Variants in TUBB3 observed in about 807,000 individuals in gnomAD.
TUBB3 encodes tubulin beta-3 chain.
Under a neutral mutation model 37.8 loss-of-function variants are expected in TUBB3, and 17 were observed. That is an observed-to-expected ratio of 0.45 (90% confidence interval 0.31 to 0.67). The LOEUF (loss-of-function observed/expected upper bound fraction) is 0.67. Among genes scored for constraint, TUBB3 ranks in the 30% least tolerant of loss-of-function variants. The pLI is 0.07. For synonymous variants in TUBB3, 332 were observed against 278.9 expected (o/e 1.19, Z -1.90); for missense variants, 262 against 657.9 (o/e 0.40, Z 6.58).
chr16:89,930,770 C>A (rs565319170), intron 1 of TUBB3, among the ~76,000 whole-genome samples: 14 of 151,952 alleles, frequency 9.2e-5, no homozygotes, highest in African/African-American at 3.4e-4. Flanking sequence ...ATGCTTGCTA[C>A]CACCCAGTCC....
chr16:89,931,167 C>G (rs1400318402), intron 1 of TUBB3, among the ~76,000 whole-genome samples: 1 of 152,162 alleles, frequency 6.6e-6, no homozygotes, highest in Admixed American at 6.5e-5. Context: ...TGTCTCCATT[C>G]CAAAGCGCAT....
upstream of TUBB3, chr16:89,921,932 C>T (rs2029897571): frequency 6.6e-6 from 1 of 152,302 alleles, no homozygotes; most frequent in Admixed American, 6.5e-5. Flanking sequence ...GGCACCAGAC[C>T]CCTCTGAGGA....
intron 1 of TUBB3, among the ~76,000 whole-genome samples, chr16:89,925,196 C>A (rs901683109): frequency 6.6e-6 from 1 of 152,178 alleles, no homozygotes; most frequent in African/African-American, 2.4e-5. Flanking sequence ...TCCTTGGCTG[C>A]CTTGTGCTCT....
At position 89,935,925 on chromosome 16, in the gene TUBB3, C is replaced by A. The variant is rs2030443014; in HGVS notation, c.*121C>A. 2 of 1,294,938 alleles carry A rather than the reference C, an allele frequency of 1.5e-6. No individual in the cohort carries two copies. Among genetic ancestry groups the A allele is most frequent in the Non-Finnish European group, 2.1e-6 (2 of 945,562 alleles). 80.2% of individuals were successfully genotyped at this position (1,294,938 alleles called of 1,614,324 possible). The stretch of plus-strand genomic sequence containing the variant: ...TTCCCCTCGCCCTAGGGCTCCCTTG[C>A]CGCCCTCCTGCAGTATTTATGGCCT... On this transcript the variant is annotated 3_prime_UTR_variant, in exon 4 of 4. Coordinates refer to ENST00000315491, the MANE Select transcript of TUBB3 (RefSeq NM_006086.4).
intron 1 of TUBB3, among the ~76,000 whole-genome samples, chr16:89,928,279 C>T (rs553268144): frequency 2.6e-5 from 4 of 151,686 alleles, no homozygotes; most frequent in African/African-American, 9.7e-5. Flanking sequence ...TGGTCTTGAA[C>T]TCCTGGACTC....
intron 1 of TUBB3, among the ~76,000 whole-genome samples, chr16:89,931,287 T>C (rs2030269669): frequency 6.6e-6 from 1 of 152,242 alleles, no homozygotes; most frequent in Non-Finnish European, 1.5e-5. Context: ...CCTGCTTTTT[T>C]CTTGAGGAAT....
intron 1 of TUBB3, chr16:89,932,231 C>G (rs2030303589): frequency 2.5e-6 from 1 of 393,380 alleles, no homozygotes; most frequent in Non-Finnish European, 4.8e-6. Context: ...AACTAACCCT[C>G]AAGGTGTTTA....
intron 1 of TUBB3, among the ~76,000 whole-genome samples, chr16:89,924,596 C>T (rs556220545): frequency 2.0e-5 from 3 of 151,926 alleles, no homozygotes; most frequent in South Asian, 2.1e-4. Context: ...AGGCAGCCTC[C>T]GGAGGCTGTT....
intron 1 of TUBB3, among the ~76,000 whole-genome samples, chr16:89,930,110 T>C (rs1382588280): frequency 3.3e-5 from 5 of 151,090 alleles, no homozygotes; most frequent in African/African-American, 7.3e-5. Context: ...CCTTCCTTCC[T>C]TCCTTCCTTT....
intron 3 of TUBB3, chr16:89,934,222 G>C (rs1744579680): frequency 4.8e-6 from 2 of 417,678 alleles, no homozygotes; most frequent in African/African-American, 4.1e-5. Context: ...CTGTGTCCTG[G>C]GGCGGGGCCG....
intron 1 of TUBB3, among the ~76,000 whole-genome samples, chr16:89,923,996 C>G (rs1033160825): frequency 2.0e-5 from 3 of 152,190 alleles, no homozygotes; most frequent in African/African-American, 7.2e-5. Flanking sequence ...CACCCTGTCC[C>G]TTTGTTGGAG....
chr16:89,933,459 T>A lies in TUBB3; in HGVS notation c.167-9T>A, dbSNP rs771486382. On this transcript the variant is annotated splice_polypyrimidine_tract_variant and intron_variant, in intron 2 of 3. Coordinates refer to ENST00000315491, the MANE Select transcript of TUBB3 (RefSeq NM_006086.4). ...TGACCCGAATCACCGAGCCCCTCTC[T>A]CCCCTCAGCTCACAAGTACGTGCCT... is the stretch of plus-strand genomic sequence containing the variant. 7.5e-5 allele frequency: 120 copies of A among 1,610,546 alleles called. 1 individual carries two copies. Among genetic ancestry groups the A allele is most frequent in the Non-Finnish European group, 1.1e-5 (13 of 1,176,980 alleles).
intron 1 of TUBB3, among the ~76,000 whole-genome samples, chr16:89,929,460 G>T (rs1263846400): frequency 1.3e-5 from 2 of 152,172 alleles, no homozygotes; most frequent in Admixed American, 1.3e-4. Flanking sequence ...TAGCAGAGGT[G>T]GTCCATGTCC....
At chr16:89,926,372 A>T (rs1288643555) in intron 1 of TUBB3, among the ~76,000 whole-genome samples, 2 of 152,200 alleles carry the variant, frequency 1.3e-5, no homozygotes, top group African/African-American at 4.8e-5. Flanking sequence ...CGGGAACCGC[A>T]TTCGGGTCCT....
At chr16:89,927,061 T>A (rs369771309) in intron 1 of TUBB3, among the ~76,000 whole-genome samples, 1 of 152,014 alleles carries the variant, frequency 6.6e-6, no homozygotes, top group African/African-American at 2.4e-5. Context: ...TTTATAAAAT[T>A]ATATTTTATT....
rs2029956483 is a variant in TUBB3, at chr16:89,923,393, G to A, written c.-9G>A. 6.7e-7 allele frequency: 1 copy of A among 1,482,702 alleles called. No homozygotes were observed. Among genetic ancestry groups the A allele is most frequent in the Admixed American group, 2.2e-5 (1 of 46,360 alleles). The allele number at this position is 1,482,702 out of a possible 1,614,324, so 91.8% of individuals were successfully genotyped here. A position where few individuals can be genotyped will look rare whatever the true frequency, so the allele number is the denominator to read the frequency against. On this transcript the variant is annotated 5_prime_UTR_variant, in exon 1 of 4. Coordinates refer to ENST00000315491, the MANE Select transcript of TUBB3 (RefSeq NM_006086.4). ...GCCCGTCCGCAGCCGCCCGCCAGAC[G>A]CGCCCAGTATGAGGGAGATCGTGCA...
chr16:89,925,205 C>G (rs942711067), intron 1 of TUBB3, among the ~76,000 whole-genome samples: 20 of 152,224 alleles, frequency 1.3e-4, no homozygotes, highest in African/African-American at 4.3e-4. Flanking sequence ...GCCTTGTGCT[C>G]TGCTTCTGAA....
intron 2 of TUBB3, chr16:89,933,110 A>T: frequency 1.9e-6 from 1 of 527,752 alleles, no homozygotes; most frequent in Non-Finnish European, 3.5e-6. Context: ...TATTTAATTT[A>T]ATAGAGACAG....
chr16:89,925,280 T>G (rs1268950895), intron 1 of TUBB3, among the ~76,000 whole-genome samples: 1 of 152,172 alleles, frequency 6.6e-6, no homozygotes, highest in Non-Finnish European at 1.5e-5. Flanking sequence ...TTTCTTAATA[T>G]ATTTCTTTTT....
Sources: gnomAD v4.1 joint callset for allele counts (sites outside exome capture counted in the v4.1 genomes callset) on GRCh38, gnomAD v4.1.1 for gene constraint, MANE v1.5 for transcripts, NCBI Gene and HGNC (gene_info 2026-07-23, HGNC 2026-07-21) for gene names.